Variants in FRMD4B observed in about 807,000 individuals in gnomAD.
The protein encoded by FRMD4B is FERM domain containing 4B, also known as FERM domain-containing protein 4B.
FRMD4B carries 74 observed loss-of-function variants against 141.5 expected under a neutral mutation model. The observed-to-expected ratio is 0.52, with a 90% CI of 0.43 to 0.63. The LOEUF (loss-of-function observed/expected upper bound fraction) is 0.63, where lower values mean the gene tolerates loss of function less well. FRMD4B is among the 30% of genes least tolerant of loss of function. The pLI, the probability that FRMD4B is intolerant of heterozygous loss-of-function variation, is 0.00. For missense variants in FRMD4B, 1,366 were observed against 1,253.4 expected (o/e 1.09, Z -1.36); for synonymous variants, 506 against 467.9 (o/e 1.08, Z -1.05).
chr3:69,540,438 C>T (rs1190345401), intron 1 of FRMD4B, among the ~76,000 whole-genome samples: 1 of 150,526 alleles, frequency 6.6e-6, no homozygotes, highest in East Asian at 2.0e-4. Flanking sequence ...CGCTGTGAAG[C>T]CCCGTCTCTA....
chr3:69,500,686 C>T (rs902732627), intron 1 of FRMD4B, among the ~76,000 whole-genome samples: 2 of 150,586 alleles, frequency 1.3e-5, no homozygotes, highest in Non-Finnish European at 3.0e-5. Flanking sequence ...ACAGAGAAGG[C>T]CCCCCCACCC....
chr3:69,303,556 T>C (rs1295931585), intron 3 of FRMD4B, among the ~76,000 whole-genome samples: 2 of 152,180 alleles, frequency 1.3e-5, no homozygotes, highest in Non-Finnish European at 2.9e-5. Context: ...CTAGGCCATA[T>C]GTTAATATTA....
chr3:69,477,181 T>A (rs545130852), intron 1 of FRMD4B, among the ~76,000 whole-genome samples: 1 of 152,276 alleles, frequency 6.6e-6, no homozygotes, highest in Non-Finnish European at 1.5e-5. Context: ...CTTTTCCTAA[T>A]TGAATACCCT....
At chr3:69,363,096 G>C (rs1277068061) in intron 1 of FRMD4B, among the ~76,000 whole-genome samples, 9 of 151,986 alleles carry the variant, frequency 5.9e-5, no homozygotes, top group Admixed American at 3.9e-4. Flanking sequence ...GAGGTCAACA[G>C]ATTAGCAATA....
chr3:69,484,423 G>A (rs917680868), intron 1 of FRMD4B, among the ~76,000 whole-genome samples: 2 of 152,180 alleles, frequency 1.3e-5, no homozygotes, highest in Non-Finnish European at 2.9e-5. Context: ...AGAAACCTCT[G>A]TGGCCTTTGC....
intron 1 of FRMD4B, among the ~76,000 whole-genome samples, chr3:69,367,548 A>C (rs147683005): frequency 2.1e-3 from 27 of 12,906 alleles, no homozygotes; most frequent in African/African-American, 3.2e-3. Context: ...TATCTGGGCC[A>C]ATATTTTTGT....
chr3:69,507,113 A>G (rs939060470), intron 1 of FRMD4B, among the ~76,000 whole-genome samples: 2 of 152,142 alleles, frequency 1.3e-5, no homozygotes, highest in African/African-American at 4.8e-5. Context: ...TTTTTGTGGA[A>G]CACCAATTAG....
At chr3:69,457,635 C>A (rs1486653460) in intron 1 of FRMD4B, among the ~76,000 whole-genome samples, 1 of 151,328 alleles carries the variant, frequency 6.6e-6, no homozygotes, top group Non-Finnish European at 1.5e-5. Flanking sequence ...TGGTGTCCTC[C>A]AAACAGAATG....
intron 1 of FRMD4B, chr3:69,535,881 A>G: frequency 2.3e-6 from 1 of 440,388 alleles, no homozygotes; most frequent in South Asian, 1.7e-5. Context: ...CGAGGAAGCA[A>G]TGCCATTCTT....
At chr3:69,343,271 A>C (rs1444719181) in intron 1 of FRMD4B, among the ~76,000 whole-genome samples, 1 of 152,062 alleles carries the variant, frequency 6.6e-6, no homozygotes, top group Non-Finnish European at 1.5e-5. Context: ...AGTTTTAATT[A>C]CCCCCATCAG....
At chr3:69,217,579 G>A (rs964279652) in intron 10 of FRMD4B, among the ~76,000 whole-genome samples, 11 of 152,240 alleles carry the variant, frequency 7.2e-5, no homozygotes, top group Non-Finnish European at 1.5e-4. Context: ...CTGAGATCAC[G>A]CCACTGCACT....
intron 1 of FRMD4B, among the ~76,000 whole-genome samples, chr3:69,454,777 C>T (rs1327036426): frequency 1.3e-5 from 2 of 152,242 alleles, no homozygotes; most frequent in African/African-American, 4.8e-5. Context: ...TCCGTGGCAC[C>T]AGGTCCCATC....
At chr3:69,230,522 G>T (rs531381948) in intron 7 of FRMD4B, among the ~76,000 whole-genome samples, 1 of 151,934 alleles carries the variant, frequency 6.6e-6, no homozygotes, top group East Asian at 1.9e-4. Context: ...CAGGTGGGTG[G>T]ATCACCTGAG....
At chr3:69,406,841 C>G (rs894347243) in intron 2 of FRMD4B, among the ~76,000 whole-genome samples, 1 of 152,034 alleles carries the variant, frequency 6.6e-6, no homozygotes, top group South Asian at 2.1e-4. Context: ...AAGCACTCCT[C>G]CTGCCTCAGC....
chr3:69,364,340 T>C (rs1438007289), intron 1 of FRMD4B, among the ~76,000 whole-genome samples: 1 of 152,198 alleles, frequency 6.6e-6, no homozygotes, highest in Non-Finnish European at 1.5e-5. Flanking sequence ...GCTGGCCCCT[T>C]GGTGGCCACG....
At chr3:69,214,966 G>T (rs528971848) in intron 11 of FRMD4B, among the ~76,000 whole-genome samples, 1 of 151,766 alleles carries the variant, frequency 6.6e-6, no homozygotes, top group Non-Finnish European at 1.5e-5. Context: ...TGCAACCTCT[G>T]CCTCCCAGGT....
At chr3:69,172,193 T>A (rs1275892678) in intron 22 of FRMD4B, among the ~76,000 whole-genome samples, 1 of 152,220 alleles carries the variant, frequency 6.6e-6, no homozygotes. Context: ...ATTATTTAAT[T>A]CTCTGGAAAG....
At chr3:69,332,064 G>C (rs941656076) in intron 1 of FRMD4B, among the ~76,000 whole-genome samples, 1 of 152,112 alleles carries the variant, frequency 6.6e-6, no homozygotes, top group Non-Finnish European at 1.5e-5. Context: ...TCCAGCCTGG[G>C]CGACACAGCA....
intron 2 of FRMD4B, among the ~76,000 whole-genome samples, chr3:69,415,711 A>C (rs987632633): frequency 6.6e-6 from 1 of 152,180 alleles, no homozygotes; most frequent in African/African-American, 2.4e-5. Context: ...TTAGTCTGCA[A>C]TTATGCATTT....
Sources: gnomAD v4.1 joint callset for allele counts (sites outside exome capture counted in the v4.1 genomes callset) on GRCh38, gnomAD v4.1.1 for gene constraint, MANE v1.5 for transcripts, NCBI Gene and HGNC (gene_info 2026-07-23, HGNC 2026-07-21) for gene names.